Variants in NTRK2 observed in about 807,000 individuals in gnomAD.
NTRK2 encodes the protein BDNF/NT-3 growth factors receptor.
A neutral mutation model predicts 94.5 loss-of-function variants in NTRK2; 13 were observed. That is an observed-to-expected ratio of 0.14 (90% CI 0.09 to 0.22). The LOEUF (loss-of-function observed/expected upper bound fraction) is 0.22. Ranked by LOEUF, NTRK2 falls within the 10% of genes least tolerant of loss-of-function variation. The probability of loss-of-function intolerance (pLI) is 1.00; values close to 1 mark genes in which losing one functional copy is unlikely to be tolerated. For synonymous variants in NTRK2, 372 were observed against 407.4 expected (o/e 0.91, Z 1.05); for missense variants, 639 against 1,071.2 (o/e 0.60, Z 5.63).
At chr9:84,810,565 C>A (rs1361749355) in intron 12 of NTRK2, 1 of 1,613,602 alleles carries the variant, frequency 6.2e-7, no homozygotes, top group Non-Finnish European at 8.5e-7. Context: ...TCATAAGATC[C>A]CACTGGATGG....
At chr9:84,930,553 A>G (rs970453930) in intron 14 of NTRK2, among the ~76,000 whole-genome samples, 5 of 152,166 alleles carry the variant, frequency 3.3e-5, no homozygotes, top group Non-Finnish European at 5.9e-5. Flanking sequence ...ATGGCGTCCA[A>G]TTGAGAGGCT....
chr9:84,916,231 C>T (rs750648637), intron 14 of NTRK2, among the ~76,000 whole-genome samples: 1 of 151,860 alleles, frequency 6.6e-6, no homozygotes, highest in Non-Finnish European at 1.5e-5. Context: ...CACCAAGGGC[C>T]AGGGAGGATG....
chr9:84,788,571 A>G (rs1218316973), intron 12 of NTRK2, among the ~76,000 whole-genome samples: 1 of 152,198 alleles, frequency 6.6e-6, no homozygotes, highest in East Asian at 1.9e-4. Context: ...GTAGAGGCCA[A>G]GAGTCTCCCA....
chr9:84,911,185 C>T (rs1312911775), intron 14 of NTRK2, among the ~76,000 whole-genome samples: 1 of 152,170 alleles, frequency 6.6e-6, no homozygotes, highest in African/African-American at 2.4e-5. Flanking sequence ...TGATATATTG[C>T]TAAATTCTAT....
At chr9:84,798,494 G>A (rs538700885) in intron 12 of NTRK2, among the ~76,000 whole-genome samples, 1 of 152,212 alleles carries the variant, frequency 6.6e-6, no homozygotes, top group East Asian at 1.9e-4. Context: ...CAATGACAGG[G>A]GCCCTGAGTC....
intron 12 of NTRK2, among the ~76,000 whole-genome samples, chr9:84,835,797 C>T (rs1028857276): frequency 6.6e-6 from 1 of 152,220 alleles, no homozygotes; most frequent in Admixed American, 6.5e-5. Flanking sequence ...GTGAGAGCAA[C>T]GTAAGGCATT....
intron 17 of NTRK2, among the ~76,000 whole-genome samples, chr9:84,958,538 T>C (rs1026047092): frequency 6.6e-6 from 1 of 152,194 alleles, no homozygotes; most frequent in South Asian, 2.1e-4. Flanking sequence ...AGAAATGTGC[T>C]CCAGATGCCA....
At chr9:84,901,522 G>A (rs1445093651) in intron 14 of NTRK2, among the ~76,000 whole-genome samples, 1 of 152,066 alleles carries the variant, frequency 6.6e-6, no homozygotes, top group East Asian at 1.9e-4. Context: ...GTTAGCCACC[G>A]CGCCCGACCA....
chr9:84,864,736 C>CTTTTTTTTTTTT (rs71369154), intron 13 of NTRK2, among the ~76,000 whole-genome samples: 2 of 104,604 alleles, frequency 1.9e-5, no homozygotes, highest in African/African-American at 3.5e-5. Flanking sequence ...TCTTAATTTT[C>CTTTTTTTTTTTT]TTTTTTTTTT....
intron 17 of NTRK2, among the ~76,000 whole-genome samples, chr9:85,014,844 C>A (rs1322111332): frequency 1.3e-5 from 2 of 152,176 alleles, no homozygotes; most frequent in African/African-American, 2.4e-5. Context: ...TTTTTCTCTA[C>A]ATATCACTAT....
chr9:84,812,439 G>GC, intron 12 of NTRK2: 1 of 1,054,610 alleles, frequency 9.5e-7, no homozygotes, highest in Non-Finnish European at 1.1e-6. Context: ...AGGGCAGCTG[G>GC]CCCCCAATGT....
intron 14 of NTRK2, among the ~76,000 whole-genome samples, chr9:84,926,841 G>A (rs1417184954): frequency 6.6e-6 from 1 of 152,212 alleles, no homozygotes; most frequent in Non-Finnish European, 1.5e-5. Flanking sequence ...TCTTGAGTAT[G>A]CCCATAGGTG....
chr9:84,993,045 C>T (rs1057138135), intron 17 of NTRK2, among the ~76,000 whole-genome samples: 3 of 152,062 alleles, frequency 2.0e-5, no homozygotes, highest in Non-Finnish European at 2.9e-5. Context: ...TATCCACTCC[C>T]TGTTTCTTTA....
intron 6 of NTRK2, among the ~76,000 whole-genome samples, chr9:84,715,483 C>T (rs982761352): frequency 1.3e-5 from 2 of 152,190 alleles, no homozygotes; most frequent in Non-Finnish European, 2.9e-5. Flanking sequence ...CTGTGAATTA[C>T]TGTAAATTTA....
chr9:84,698,345 AGT>A (rs2060515584), intron 2 of NTRK2, among the ~76,000 whole-genome samples: 1 of 151,914 alleles, frequency 6.6e-6, no homozygotes, highest in Non-Finnish European at 1.5e-5. Flanking sequence ...TTCGCATAGC[AGT>A]GTCTTTCTGT....
intron 12 of NTRK2, chr9:84,810,687 C>T (rs201747943): frequency 6.3e-7 from 1 of 1,594,710 alleles, no homozygotes; most frequent in Non-Finnish European, 8.6e-7. Flanking sequence ...GGAAGTGCTG[C>T]TTATCTGGGG....
chr9:84,722,140 A>G (rs2062106495), intron 6 of NTRK2, among the ~76,000 whole-genome samples: 1 of 141,560 alleles, frequency 7.1e-6, no homozygotes, highest in Non-Finnish European at 1.5e-5. Flanking sequence ...ATTGCCCTGT[A>G]TAACTCTGGC....
chr9:84,842,581 C>G (rs1163739521), intron 12 of NTRK2, among the ~76,000 whole-genome samples: 3 of 152,074 alleles, frequency 2.0e-5, no homozygotes, highest in Admixed American at 6.6e-5. Context: ...GCTTCCCTGG[C>G]CTCACTCTGG....
chr9:84,913,207 G>A (rs1293076670), intron 14 of NTRK2, among the ~76,000 whole-genome samples: 1 of 151,978 alleles, frequency 6.6e-6, no homozygotes, highest in Non-Finnish European at 1.5e-5. Context: ...GTTTTGGAGT[G>A]CATCTCTTTG....
Sources: gnomAD v4.1 joint callset for allele counts (sites outside exome capture counted in the v4.1 genomes callset) on GRCh38, gnomAD v4.1.1 for gene constraint, MANE v1.5 for transcripts, NCBI Gene and HGNC (gene_info 2026-07-23, HGNC 2026-07-21) for gene names.